The following CSMD1 variants were observed in gnomAD, a reference collection of about 807,000 sequenced individuals.
CSMD1 encodes the protein CUB and sushi domain-containing protein 1.
In CSMD1, 213 loss-of-function variants were observed where a neutral mutation model predicts 417.5. The observed-to-expected ratio is 0.51, with a 90% CI of 0.46 to 0.57. CSMD1 has a LOEUF of 0.57. Ranked by LOEUF, CSMD1 falls within the 20% of genes least tolerant of loss-of-function variation. CSMD1 has a pLI of 0.00. For synonymous variants in CSMD1, 2,862 were observed against 1,736.8 expected, an observed-to-expected ratio of 1.65 and a Z score of -16.11; for missense variants, 6,923 against 4,529.7, an observed-to-expected ratio of 1.53 and a Z score of -15.17.
intron 2 of CSMD1, among the ~76,000 whole-genome samples, chr8:4,528,239 T>C (rs769952896): frequency 1.3e-5 from 2 of 152,150 alleles, no homozygotes; most frequent in Non-Finnish European, 2.9e-5. Context: ...TAAGACAATA[T>C]CTAGACAGGA....
In CSMD1 at chr8:3,230,022, A is replaced by C. The variant is rs1563164337; in HGVS notation, c.4345+18T>G. 1 of 1,491,148 alleles carries C rather than the reference A, an allele frequency of 6.7e-7. No individual in the cohort carries two copies. Among genetic ancestry groups the C allele is most frequent in the Non-Finnish European group, 9.0e-7 (1 of 1,113,940 alleles). 92.4% of individuals were successfully genotyped at this position (1,491,148 alleles called of 1,614,324 possible). ...TCCATTCCTGAATATAAAATTTCTAAGTTCTGTTGTCTGATACCTATGCAT... is the reference window on the plus strand; with the variant it reads ...TCCATTCCTGAATATAAAATTTCTACGTTCTGTTGTCTGATACCTATGCAT... On this transcript the variant is annotated intron_variant, in intron 27 of 69. Coordinates refer to ENST00000635120, the MANE Select transcript of CSMD1 (RefSeq NM_033225.6).
At chr8:4,898,519 T>C (rs1804653747) in intron 1 of CSMD1, among the ~76,000 whole-genome samples, 1 of 152,164 alleles carries the variant, frequency 6.6e-6, no homozygotes, top group Non-Finnish European at 1.5e-5. Flanking sequence ...AGAAGGACAA[T>C]AAAACAGGTC....
At chr8:4,546,274 C>A (rs1490027552) in intron 2 of CSMD1, among the ~76,000 whole-genome samples, 1 of 152,176 alleles carries the variant, frequency 6.6e-6, no homozygotes, top group African/African-American at 2.4e-5. Flanking sequence ...TTTCCATGTT[C>A]TTTTCTGTCT....
At chr8:4,522,582 C>G (rs1244296501) in intron 2 of CSMD1, among the ~76,000 whole-genome samples, 1 of 152,126 alleles carries the variant, frequency 6.6e-6, no homozygotes, top group Admixed American at 6.5e-5. Flanking sequence ...ATTTTCAAAA[C>G]CTGTCTTTTG....
Position 3,958,084 on chromosome 8 carries a change from T to G in CSMD1, c.818+39819A>C, listed in dbSNP as rs141610521. Among the ~76,000 whole-genome samples the G allele has an allele frequency of 2.4e-3, 372 of 152,328 alleles. 2 individuals carry two copies. Among genetic ancestry groups the G allele is most frequent in the African/African-American group, 8.6e-3 (359 of 41,572 alleles). ...GTTCATGTGCTATCTTAACTTTTATTACTATAATGCTACTTGAAGAAAAAG... is the reference window on the plus strand; with the variant it reads ...GTTCATGTGCTATCTTAACTTTTATGACTATAATGCTACTTGAAGAAAAAG... On this transcript the variant is annotated intron_variant, in intron 5 of 69. Coordinates refer to ENST00000635120, the MANE Select transcript of CSMD1 (RefSeq NM_033225.6).
At chr8:3,650,603 G>T (rs1008030299) in intron 7 of CSMD1, among the ~76,000 whole-genome samples, 2 of 152,068 alleles carry the variant, frequency 1.3e-5, no homozygotes, top group African/African-American at 2.4e-5. Context: ...TATGATGCTT[G>T]CCATGAATGT....
intron 2 of CSMD1, among the ~76,000 whole-genome samples, chr8:4,579,988 A>C (rs1012462996): frequency 6.6e-6 from 1 of 152,202 alleles, no homozygotes; most frequent in Non-Finnish European, 1.5e-5. Context: ...TTATTTTCTT[A>C]AATACTACCA....
chr8:3,509,639 C>A (rs1476204100), intron 10 of CSMD1, among the ~76,000 whole-genome samples: 3 of 152,164 alleles, frequency 2.0e-5, no homozygotes, highest in Non-Finnish European at 4.4e-5. Context: ...AGGGAAGAAG[C>A]TATAAGATAT....
chr8:3,402,098 G>C (rs912207590), intron 15 of CSMD1, among the ~76,000 whole-genome samples: 2 of 151,850 alleles, frequency 1.3e-5, no homozygotes, highest in African/African-American at 4.8e-5. Flanking sequence ...AATCTCATTG[G>C]GGTTACATTA....
chr8:3,241,305 C>G (rs1406091067), intron 26 of CSMD1, among the ~76,000 whole-genome samples: 2 of 150,864 alleles, frequency 1.3e-5, no homozygotes, highest in African/African-American at 2.4e-5. Context: ...CGTCAATACC[C>G]ACAACAGTTA....
intron 1 of CSMD1, among the ~76,000 whole-genome samples, chr8:4,833,155 G>C (rs1338285739): frequency 6.6e-6 from 1 of 152,046 alleles, no homozygotes; most frequent in Non-Finnish European, 1.5e-5. Flanking sequence ...CACTGTATTA[G>C]TCCATTCTCA....
At chr8:4,484,690 C>G (rs939912298) in intron 2 of CSMD1, among the ~76,000 whole-genome samples, 3 of 152,032 alleles carry the variant, frequency 2.0e-5, no homozygotes, top group African/African-American at 7.2e-5. Flanking sequence ...GGAAAAGTCA[C>G]CGGGCACGAT....
intron 3 of CSMD1, among the ~76,000 whole-genome samples, chr8:4,229,766 C>T (rs1030345470): frequency 1.3e-5 from 2 of 152,112 alleles, no homozygotes; most frequent in African/African-American, 2.4e-5. Context: ...TATCACAATG[C>T]GACCCACTAA....
intron 3 of CSMD1, among the ~76,000 whole-genome samples, chr8:4,322,730 C>A (rs934995567): frequency 2.6e-5 from 4 of 152,148 alleles, no homozygotes; most frequent in Admixed American, 2.0e-4. Context: ...GCACGGGGCT[C>A]GTGCCTGTAA....
intron 3 of CSMD1, among the ~76,000 whole-genome samples, chr8:4,380,092 T>C (rs1803004858): frequency 6.6e-6 from 1 of 152,162 alleles, no homozygotes; most frequent in Admixed American, 6.5e-5. Flanking sequence ...AAAAAGTAAA[T>C]GGGAGAAAAA....
intron 5 of CSMD1, among the ~76,000 whole-genome samples, chr8:3,891,912 A>C (rs975851483): frequency 6.6e-6 from 1 of 152,184 alleles, no homozygotes; most frequent in African/African-American, 2.4e-5. Flanking sequence ...TTACAAAATT[A>C]TCAGAACACC....
At position 3,387,475 on chromosome 8, in the gene CSMD1, C is replaced by T; in HGVS notation, c.2782+19G>A. The T allele has an allele frequency of 6.3e-7, 1 of 1,577,570 alleles. No homozygotes were observed. On this transcript the variant is annotated intron_variant, in intron 18 of 69. Transcript: ENST00000635120. Reference sequence around the variant, plus strand: ...TCTGCACACCCTGCTGGTGCATTGCCTCACTGAGCTGTACCTACCGTCGCA... The same window carrying T: ...TCTGCACACCCTGCTGGTGCATTGCTTCACTGAGCTGTACCTACCGTCGCA...
rs538892456 is a variant in CSMD1, at chr8:4,438,439, G to A, written c.303-18374C>T. Reference sequence around the variant, plus strand: ...CTTAAACTCTACCCATCCACATGACGCTGAATGTTAACTGGGACATGTGGC... The same window carrying A: ...CTTAAACTCTACCCATCCACATGACACTGAATGTTAACTGGGACATGTGGC... On this transcript the variant is annotated intron_variant, in intron 2 of 69. Coordinates refer to ENST00000635120, the MANE Select transcript of CSMD1 (RefSeq NM_033225.6). Among the ~76,000 whole-genome samples, 32 of 152,252 alleles carry A rather than the reference G, an allele frequency of 2.1e-4. 1 individual carries two copies. Among genetic ancestry groups the A allele is most frequent in the Admixed American group, 1.6e-3 (24 of 15,294 alleles).
chr8:4,273,169 G>C (rs1198986638), intron 3 of CSMD1, among the ~76,000 whole-genome samples: 2 of 152,124 alleles, frequency 1.3e-5, no homozygotes, highest in Non-Finnish European at 2.9e-5. Flanking sequence ...TCTTTTAAAA[G>C]AGATTTGGAT....
Sources: allele counts gnomAD v4.1 joint callset (sites outside exome capture counted in the v4.1 genomes callset), GRCh38; gene constraint gnomAD v4.1.1; transcripts MANE v1.5; gene names NCBI Gene and HGNC (gene_info 2026-07-23, HGNC 2026-07-21).